The following YWHAE variants were observed in gnomAD, a reference collection of about 807,000 sequenced individuals.
YWHAE encodes tyrosine 3-monooxygenase/tryptophan 5-monooxygenase activation protein epsilon.
YWHAE carries 4 observed loss-of-function variants against 30.1 expected under a neutral mutation model. The ratio of observed to expected loss-of-function variants is 0.13; its 90% CI spans 0.07 to 0.30. The LOEUF is 0.30. Ranked by LOEUF, YWHAE falls within the 10% of genes least tolerant of loss-of-function variation. The pLI is 1.00. For missense variants in YWHAE, 121 were observed against 315.9 expected (o/e 0.38, Z 4.68); for synonymous variants, 118 against 111.8 (o/e 1.06, Z -0.35).
intron 5 of YWHAE, among the ~76,000 whole-genome samples, chr17:1,353,748 A>G (rs1055921732): frequency 3.9e-5 from 5 of 129,700 alleles, no homozygotes; most frequent in African/African-American, 1.6e-4. Context: ...TGGGTGTCGC[A>G]GCAAGACTCC....
At position 1,377,981 on chromosome 17, in the gene YWHAE, G is replaced by A. The variant is rs537584652; in HGVS notation, c.65-12923C>T. 2.9e-3 allele frequency among the ~76,000 whole-genome samples: 434 copies of A among 152,110 alleles called. 1 individual carries two copies. Among genetic ancestry groups the A allele is most frequent in the Non-Finnish European group, 5.5e-3 (373 of 67,976 alleles). On this transcript the variant is annotated intron_variant, in intron 1 of 5. Transcript: ENST00000264335. Reference sequence around the variant, plus strand: ...GGAGAATTGCTTGAACCCGAGAGGCGGAGGTTGCAGTGAGCCAAGATCGCG... The same window carrying A: ...GGAGAATTGCTTGAACCCGAGAGGCAGAGGTTGCAGTGAGCCAAGATCGCG...
intron 1 of YWHAE, among the ~76,000 whole-genome samples, chr17:1,380,111 CTTT>C (rs34413137): frequency 1.4e-3 from 168 of 121,852 alleles, no homozygotes; most frequent in Middle Eastern, 4.0e-3. Context: ...GAAGACTAGA[CTTT>C]TTTTTTTTTT....
intron 1 of YWHAE, among the ~76,000 whole-genome samples, chr17:1,385,318 CTG>C (rs1462347795): frequency 6.6e-6 from 1 of 152,144 alleles, no homozygotes; most frequent in African/African-American, 2.4e-5. Context: ...CTACCAGCAA[CTG>C]GTCTAGAGGA....
At chr17:1,355,567 G>A (rs1425305303) in intron 4 of YWHAE, among the ~76,000 whole-genome samples, 2 of 152,092 alleles carry the variant, frequency 1.3e-5, no homozygotes, top group African/African-American at 2.4e-5. Flanking sequence ...AGACGCCATG[G>A]AAATGTGATT....
intron 1 of YWHAE, among the ~76,000 whole-genome samples, chr17:1,371,816 A>G (rs952772353): frequency 6.6e-6 from 1 of 151,438 alleles, no homozygotes; most frequent in East Asian, 1.9e-4. Context: ...CATCTACATC[A>G]GCACATGCTA....
chr17:1,374,391 A>C (rs924901548), intron 1 of YWHAE, among the ~76,000 whole-genome samples: 1 of 152,162 alleles, frequency 6.6e-6, no homozygotes, highest in Non-Finnish European at 1.5e-5. Flanking sequence ...TATTATAAAC[A>C]ATGCTGCTAC....
At position 1,362,015 on chromosome 17, in the gene YWHAE, A is replaced by C. The variant is rs754113928; in HGVS notation, c.265-7T>G. ...ACTTTAGCTCAGTCTCAACCTAAAA[A>C]AAAAAAAATTTTTTTTAAATCAGAT... On this transcript the variant is annotated splice_region_variant and splice_polypyrimidine_tract_variant and intron_variant, in intron 2 of 5. Coordinates refer to ENST00000264335, the MANE Select transcript of YWHAE (RefSeq NM_006761.5). 1.9e-6 allele frequency: 3 copies of C among 1,538,896 alleles called. No individual in the cohort carries two copies. In the South Asian group the frequency reaches 3.8e-5, roughly 20 times the overall value.
At chr17:1,390,058 G>A (rs2073367069) in intron 1 of YWHAE, among the ~76,000 whole-genome samples, 1 of 151,880 alleles carries the variant, frequency 6.6e-6, no homozygotes, top group African/African-American at 2.4e-5. Context: ...TGGTCAGGCT[G>A]GTCTTGAACT....
At chr17:1,388,125 T>TTTTG in intron 1 of YWHAE, among the ~76,000 whole-genome samples, 1 of 95,306 alleles carries the variant, frequency 1.0e-5, no homozygotes, top group Non-Finnish European at 2.1e-5. Flanking sequence ...TTGGTTTTTT[T>TTTTG]TTTTTTTTTT....
At chr17:1,393,451 G>C (rs191841467) in intron 1 of YWHAE, among the ~76,000 whole-genome samples, 2 of 152,200 alleles carry the variant, frequency 1.3e-5, no homozygotes, top group African/African-American at 4.8e-5. Context: ...CTTTTCTTGA[G>C]ACAGGCTCTC....
chr17:1,352,747 G>C (rs1051497912), intron 5 of YWHAE, among the ~76,000 whole-genome samples: 1 of 152,000 alleles, frequency 6.6e-6, no homozygotes, highest in Non-Finnish European at 1.5e-5. Flanking sequence ...GGATGGTCTC[G>C]ATCTCCTGAC....
At chr17:1,367,448 G>A (rs1341831543) in intron 1 of YWHAE, among the ~76,000 whole-genome samples, 1 of 152,154 alleles carries the variant, frequency 6.6e-6, no homozygotes, top group South Asian at 2.1e-4. Flanking sequence ...ACAAAAATTA[G>A]CTGGGTGTGG....
Position 1,345,202 on chromosome 17 carries a change from C to G in YWHAE, c.*245G>C, listed in dbSNP as rs549451496. Reference sequence around the variant, plus strand: ...ATGCTGAAAAAGCCTCTATGTAGTCCTGTTAGTGTCTTAAAGAACCTAAAA... The same window carrying G: ...ATGCTGAAAAAGCCTCTATGTAGTCGTGTTAGTGTCTTAAAGAACCTAAAA... On this transcript the variant is annotated 3_prime_UTR_variant, in exon 6 of 6. Transcript: ENST00000264335. 7.2e-6 allele frequency: 4 copies of G among 553,462 alleles called. No homozygotes were observed. The Middle Eastern group carries it at 1.4e-3, about 199-fold the overall frequency. 34.3% of individuals were successfully genotyped at this position (553,462 alleles called of 1,614,324 possible).
intron 1 of YWHAE, among the ~76,000 whole-genome samples, chr17:1,396,020 G>A (rs1024386841): frequency 6.6e-6 from 1 of 152,186 alleles, no homozygotes; most frequent in Non-Finnish European, 1.5e-5. Flanking sequence ...CTTGGAGGCT[G>A]AGGCAGGAGA....
intron 1 of YWHAE, 91 bp from the exon 2 acceptor site, chr17:1,365,149 C>T (rs946941535): frequency 1.4e-5 from 19 of 1,313,722 alleles, no homozygotes; most frequent in Non-Finnish European, 1.9e-5. Flanking sequence ...CAAGCTACTG[C>T]GAAAAAAACA....
intron 1 of YWHAE, among the ~76,000 whole-genome samples, chr17:1,368,948 T>C (rs1314352577): frequency 1.3e-5 from 2 of 152,350 alleles, no homozygotes; most frequent in Non-Finnish European, 2.9e-5. Flanking sequence ...TATCATTCCT[T>C]ATGATTTAAT....
chr17:1,399,984 G>A (rs2073542861), intron 1 of YWHAE, 63 bp downstream of exon 1: 4 of 1,594,658 alleles, frequency 2.5e-6, no homozygotes, highest in East Asian at 4.5e-5. Flanking sequence ...TCCTGTTCCC[G>A]GCCTCTGTGG....
chr17:1,367,241 G>A (rs1325900887), intron 1 of YWHAE, among the ~76,000 whole-genome samples: 2 of 152,180 alleles, frequency 1.3e-5, no homozygotes, highest in Non-Finnish European at 2.9e-5. Flanking sequence ...CCTCAAATGT[G>A]CATCCAGAGG....
intron 1 of YWHAE, among the ~76,000 whole-genome samples, chr17:1,393,645 G>C (rs4286156): frequency 6.6e-6 from 1 of 151,982 alleles, no homozygotes; most frequent in African/African-American, 2.4e-5. Flanking sequence ...TGGTCAGGAT[G>C]GTCTCAAACT....
Sources: gnomAD v4.1 joint callset for allele counts (sites outside exome capture counted in the v4.1 genomes callset) on GRCh38, gnomAD v4.1.1 for gene constraint, MANE v1.5 for transcripts, NCBI Gene and HGNC (gene_info 2026-07-23, HGNC 2026-07-21) for gene names.